TJP2: variants seen among roughly 807,000 people sequenced by gnomAD.
The protein encoded by TJP2 is Friedreich ataxia region gene X104 (tight junction protein ZO-2).
Under a neutral mutation model 133.1 loss-of-function variants are expected in TJP2, and 91 were observed. The ratio of observed to expected loss-of-function variants is 0.68; its 90% CI spans 0.58 to 0.81. The LOEUF (loss-of-function observed/expected upper bound fraction) is 0.81. Among genes scored for constraint, TJP2 ranks in the 40% least tolerant of loss-of-function variants. TJP2 has a pLI of 0.00. For missense variants in TJP2, 1,541 were observed against 1,565.6 expected, an observed-to-expected ratio of 0.98 and a Z score of 0.26; for synonymous variants, 592 against 583.4, an observed-to-expected ratio of 1.01 and a Z score of -0.21.
chr9:69,246,354 G>C (rs1028707033), intron 17 of TJP2: 26 of 367,772 alleles, frequency 7.1e-5, no homozygotes, highest in Non-Finnish European at 1.3e-4. Context: ...CAGCCTCCCA[G>C]AGTGCTGAGA....
At chr9:69,203,644 C>T (rs1254402799) in intron 1 of TJP2, among the ~76,000 whole-genome samples, 4 of 101,382 alleles carry the variant, frequency 3.9e-5, no homozygotes, top group East Asian at 3.9e-4. Context: ...GACAGGGTCT[C>T]GCTCTATGGC....
At chr9:69,133,962 C>G (rs1822614108) in intron 1 of TJP2, among the ~76,000 whole-genome samples, 1 of 142,208 alleles carries the variant, frequency 7.0e-6, no homozygotes, top group Non-Finnish European at 1.5e-5. Flanking sequence ...CAAGTACTTT[C>G]TCTTTTCTCT....
intron 2 of TJP2, among the ~76,000 whole-genome samples, chr9:69,165,474 A>G (rs181753404): frequency 6.6e-6 from 1 of 152,164 alleles, no homozygotes; most frequent in Admixed American, 6.5e-5. Context: ...ACCATGGGCA[A>G]ACTGCTTTCT....
At chr9:69,183,275 C>T (rs377035499) in intron 1 of TJP2, among the ~76,000 whole-genome samples, 15 of 152,138 alleles carry the variant, frequency 9.9e-5, no homozygotes, top group African/African-American at 3.6e-4. Context: ...ATGATTACCA[C>T]CTAGATTAAA....
At position 69,240,039 on chromosome 9, in the gene TJP2, G is replaced by A. The variant is rs1315976054; in HGVS notation, c.2458G>A (p.Gly820Ser). Residue 820 changes from glycine (G) to serine (S), a missense_variant, in exon 17 of 23, where the codon GGT becomes AGT. Transcript: ENST00000377245. ...VIFFNPDSRQ[G>S]VKTMRQRLNP... ...TTTTTTCAACCCAGACTCCAGACAAGGTGTCAAAACCATGAGACAAAGGTT... is the reference window on the plus strand; with the variant it reads ...TTTTTTCAACCCAGACTCCAGACAAAGTGTCAAAACCATGAGACAAAGGTT... The A allele has an allele frequency of 6.2e-7, 1 of 1,613,828 alleles. No homozygotes were observed. Among genetic ancestry groups the A allele is most frequent in the Non-Finnish European group, 8.5e-7 (1 of 1,180,012 alleles).
rs767624308 is a variant in TJP2 at position 69,221,422 on chromosome 9, G to A, written c.878G>A (p.Arg293Gln). 5.7e-6 allele frequency: 9 copies of A among 1,586,862 alleles called. No individual in the cohort carries two copies. Among genetic ancestry groups the A allele is most frequent in the Middle Eastern group, 1.7e-4 (1 of 6,042 alleles). ...RSRSREHPHSRSPSPEPRGRP... is the reference protein window; with the variant it reads ...RSRSREHPHSQSPSPEPRGRP... ...CGCAGCCGCGAGCACCCGCACTCACGGAGCCCCAGCCCCGAGCCTAGGGGG... is the reference window on the plus strand; with the variant it reads ...CGCAGCCGCGAGCACCCGCACTCACAGAGCCCCAGCCCCGAGCCTAGGGGG... The change falls in exon 5 of 23, where the codon CGG (arginine) becomes CAG (glutamine). Residue 293 changes from arginine (R) to glutamine (Q), a missense_variant. By Grantham distance (43) the Arg-to-Gln change is conservative (BLOSUM62 1). Transcript: ENST00000377245.
chr9:69,236,936 G>A lies in TJP2; in HGVS notation c.1992-13G>A, dbSNP rs1454719310. 6.2e-7 allele frequency: 1 copy of A among 1,614,048 alleles called. No individual in the cohort carries two copies. Among genetic ancestry groups the A allele is most frequent in the Non-Finnish European group, 8.5e-7 (1 of 1,179,918 alleles). ...CTGGCTTTAGAGATTTACTTCCCGTGGTTTCTTCTCAGAGCTGAACAAATG... is the reference window on the plus strand; with the variant it reads ...CTGGCTTTAGAGATTTACTTCCCGTAGTTTCTTCTCAGAGCTGAACAAATG... On this transcript the variant is annotated splice_polypyrimidine_tract_variant and intron_variant, in intron 13 of 22. Coordinates refer to ENST00000377245, the MANE Select transcript of TJP2 (RefSeq NM_004817.4).
chr9:69,249,306 A>G (rs1392758912), intron 19 of TJP2, 69 bp from the exon 20 acceptor site: 5 of 1,552,192 alleles, frequency 3.2e-6, no homozygotes, highest in Non-Finnish European at 4.4e-6. Context: ...GAACTCCTCC[A>G]AAGCAGTCGA....
intron 1 of TJP2, among the ~76,000 whole-genome samples, chr9:69,198,254 G>C (rs1214685363): frequency 6.8e-6 from 1 of 146,186 alleles, no homozygotes; most frequent in East Asian, 2.0e-4. Flanking sequence ...CGATTCTCTT[G>C]CCTCAGCCTC....
Position 69,234,561 on chromosome 9 carries a change from G to A in TJP2, c.1780+14G>A, listed in dbSNP as rs780341186. The stretch of plus-strand genomic sequence containing the variant: ...GCCGAGCCGATGGTGAGCAAATTTG[G>A]TCATTTAGTTTAGTTGGGGTGGGGG... On this transcript the variant is annotated intron_variant, in intron 12 of 22. Coordinates refer to ENST00000377245, the MANE Select transcript of TJP2 (RefSeq NM_004817.4). 1 of 444,744 alleles carries A rather than the reference G, an allele frequency of 2.2e-6. No individual in the cohort carries two copies. Among genetic ancestry groups the A allele is most frequent in the East Asian group, 7.6e-5 (1 of 13,222 alleles). 27.5% of individuals were successfully genotyped at this position (444,744 alleles called of 1,614,324 possible). A position where few individuals can be genotyped will look rare whatever the true frequency, so the allele number is the denominator to read the frequency against.
At chr9:69,250,763 G>T (rs1307535044) in intron 20 of TJP2, among the ~76,000 whole-genome samples, 1 of 152,134 alleles carries the variant, frequency 6.6e-6, no homozygotes, top group Non-Finnish European at 1.5e-5. Context: ...TTCCAGGTCT[G>T]ATCTTACCTC....
intron 1 of TJP2, among the ~76,000 whole-genome samples, chr9:69,203,690 T>G (rs577281411): frequency 1.3e-4 from 18 of 140,080 alleles, no homozygotes; most frequent in African/African-American, 4.5e-4. Flanking sequence ...CTCAGGTCAC[T>G]GCAACCTCCG....
chr9:69,162,339 A>G (rs1167506466), intron 2 of TJP2, among the ~76,000 whole-genome samples: 1 of 151,924 alleles, frequency 6.6e-6, no homozygotes, highest in Non-Finnish European at 1.5e-5. Context: ...TTTAATCTAT[A>G]TTTAACACAG....
chr9:69,240,751 G>T (rs1483860121), intron 17 of TJP2, among the ~76,000 whole-genome samples: 2 of 151,698 alleles, frequency 1.3e-5, no homozygotes, highest in Non-Finnish European at 2.9e-5. Flanking sequence ...GCAGTGAGCT[G>T]TGATGGCACT....
At chr9:69,139,428 G>A (rs1285309428) in intron 1 of TJP2, among the ~76,000 whole-genome samples, 1 of 152,110 alleles carries the variant, frequency 6.6e-6, no homozygotes, top group Non-Finnish European at 1.5e-5. Context: ...ATAAGAGGAG[G>A]AAATTTGGAC....
Position 69,147,145 on chromosome 9 carries a change from A to G in TJP2, c.-130-4506A>G, listed in dbSNP as rs148641044. 3.0e-3 allele frequency among the ~76,000 whole-genome samples: 461 copies of G among 152,294 alleles called. 2 individuals carry two copies. The highest frequency in any genetic ancestry group is 0.01 in the African/African-American group (436 of 41,554). ...AGCCAGGGCTGTGGAAAACATTGTA[A>G]TGACTAAACTGAGATTCTCCAAGTA... On this transcript the variant is annotated intron_variant, in intron 1 of 5. Transcript: ENST00000423935.
Position 69,238,742 on chromosome 9 carries a change from TC to T in TJP2, c.2310del (p.Thr771LeufsTer6), listed in dbSNP as rs1424314254. 1.2e-6 allele frequency: 2 copies of T among 1,613,920 alleles called. No homozygotes were observed. The highest frequency in any genetic ancestry group is 2.7e-5 in the African/African-American group (2 of 74,920). Reference sequence around the variant, plus strand: ...ACCAAAAGATGCAGGATCTGAGAAATCCACTGGAGTGGTCCGGTTAAATACC... The same window carrying T: ...ACCAAAAGATGCAGGATCTGAGAAATCACTGGAGTGGTCCGGTTAAATACC... ...TEPKDAGSEK[S>X]TGVVRLNTVR... On this transcript the variant is annotated frameshift_variant, in exon 16 of 23. Transcript: ENST00000377245. LOFTEE classifies it high-confidence loss of function.
chr9:69,218,470 C>G, intron 4 of TJP2, 111 bp downstream of exon 4: 1 of 798,208 alleles, frequency 1.3e-6, no homozygotes, highest in Non-Finnish European at 2.2e-6. Flanking sequence ...ACCTAGGGAC[C>G]GCTGTTCTTG....
At chr9:69,209,082 A>G (rs1827655532) in intron 1 of TJP2, among the ~76,000 whole-genome samples, 1 of 152,146 alleles carries the variant, frequency 6.6e-6, no homozygotes, top group African/African-American at 2.4e-5. Flanking sequence ...ATGGAAATGG[A>G]AAAGGGCAAC....
Sources: gnomAD v4.1 joint callset for allele counts (sites outside exome capture counted in the v4.1 genomes callset) on GRCh38, gnomAD v4.1.1 for gene constraint, MANE v1.5 for transcripts, NCBI Gene and HGNC (gene_info 2026-07-23, HGNC 2026-07-21) for gene names.